Variants in CCDC125 observed in about 807,000 individuals in gnomAD.
CCDC125 encodes the protein coiled-coil domain-containing protein 125.
In CCDC125, 43 loss-of-function variants were observed where a neutral mutation model predicts 57.4. The observed-to-expected ratio is 0.75, with a 90% CI of 0.59 to 0.97. CCDC125 has a LOEUF of 0.97. Ranked by LOEUF, CCDC125 falls within the 50% of genes least tolerant of loss-of-function variation. CCDC125 has a pLI of 0.00. For missense variants in CCDC125, 563 were observed against 595.7 expected, an observed-to-expected ratio of 0.95 and a Z score of 0.57; for synonymous variants, 187 against 195.2, an observed-to-expected ratio of 0.96 and a Z score of 0.35.
downstream of CCDC125, chr5:69,277,491 C>T (rs756581456): frequency 5.4e-5 from 9 of 165,628 alleles, no homozygotes; most frequent in African/African-American, 9.5e-5. Context: ...AAATGTTGGC[C>T]GGGCGCGGTG....
At position 69,282,328 on chromosome 5, in the gene CCDC125, A is replaced by G. The variant is rs995433288; in HGVS notation, c.*401T>C. ...TGTAATCCCAGCACTTTCGGAGGCC[A>G]AGGCAGGCGGATCACTTGAGGTCAG... On this transcript the variant is annotated 3_prime_UTR_variant, in exon 12 of 12. Transcript: ENST00000396496. 2.5e-5 allele frequency: 4 copies of G among 157,450 alleles called. No individual in the cohort carries two copies. Among genetic ancestry groups the G allele is most frequent in the Non-Finnish European group, 5.6e-5 (4 of 71,798 alleles). 9.8% of individuals were successfully genotyped at this position (157,450 alleles called of 1,614,324 possible).
At chr5:69,319,424 A>T (rs1412423922) in intron 2 of CCDC125, among the ~76,000 whole-genome samples, 1 of 152,146 alleles carries the variant, frequency 6.6e-6, no homozygotes, top group East Asian at 1.9e-4. Context: ...GATATCATTA[A>T]TATATTAGAT....
rs188504192 is a variant in CCDC125, at chr5:69,304,882, T to G, written c.618-953A>C. Among the ~76,000 whole-genome samples, 99 of 152,298 alleles carry G rather than the reference T, an allele frequency of 6.5e-4. No homozygotes were observed. The Middle Eastern group carries it at 0.01, about 16-fold the overall frequency. Reference sequence around the variant, plus strand: ...AGAAACTTACATACACAGGTCCTCATGTAAACTATGGACTTCGGGTAATAA... The same window carrying G: ...AGAAACTTACATACACAGGTCCTCAGGTAAACTATGGACTTCGGGTAATAA... On this transcript the variant is annotated intron_variant, in intron 6 of 11. Transcript: ENST00000396496.
intron 1 of CCDC125, among the ~76,000 whole-genome samples, chr5:69,329,694 G>T (rs1218193661): frequency 1.3e-5 from 2 of 151,378 alleles, no homozygotes; most frequent in Non-Finnish European, 2.9e-5. Context: ...GTAGAGATGG[G>T]ATTTCACCAT....
chr5:69,300,983 C>T (rs1387508400), intron 7 of CCDC125, among the ~76,000 whole-genome samples: 1 of 146,628 alleles, frequency 6.8e-6, no homozygotes, highest in African/African-American at 2.5e-5. Context: ...CTTCAAACTC[C>T]TGGGCTCCAG....
chr5:69,296,739 G>A (rs1260065124), intron 8 of CCDC125, among the ~76,000 whole-genome samples: 6 of 152,114 alleles, frequency 3.9e-5, no homozygotes, highest in Non-Finnish European at 8.8e-5. Flanking sequence ...CGAGGCAGGT[G>A]GATCACCTGA....
At position 69,315,465 on chromosome 5, in the gene CCDC125, A is replaced by C. The variant is rs1271463730; in HGVS notation, c.305-1419T>G. ...AAAAAAAAAACAAAAAAAAAAACAA[A>C]AAAAAAAAAGGCCAGGTGTGGTGGC... On this transcript the variant is annotated intron_variant, in intron 2 of 11. Coordinates refer to ENST00000396496, the MANE Select transcript of CCDC125 (RefSeq NM_176816.5). Among the ~76,000 whole-genome samples, 30 of 51,026 alleles carry C rather than the reference A, an allele frequency of 5.9e-4. 3 individuals carry two copies. Among genetic ancestry groups the C allele is most frequent in the African/African-American group, 1.0e-3 (24 of 22,960 alleles). The allele number at this position is 51,026 out of a possible 152,430, so 33.5% of individuals were successfully genotyped here.
At chr5:69,278,510 G>C (rs1482941882), downstream of CCDC125, among the ~76,000 whole-genome samples, 1 of 151,982 alleles carries the variant, frequency 6.6e-6, no homozygotes, top group Non-Finnish European at 1.5e-5. Flanking sequence ...ACCGCGCCCA[G>C]CCAATACTTC....
rs1752629065 is a variant in CCDC125, at chr5:69,282,839, A to G, written c.1426T>C (p.Cys476Arg). Reference protein sequence around the residue: ...VLGDPIHSSVCILNSVGCICS... With the variant: ...VLGDPIHSSVRILNSVGCICS... ...ATGCAGCCCACAGAATTTAAAATGCAGACACTTGAATGTATAGGATCACCC... is the reference window on the plus strand; with the variant it reads ...ATGCAGCCCACAGAATTTAAAATGCGGACACTTGAATGTATAGGATCACCC... Residue 476 changes from cysteine to arginine, a missense_variant, in exon 12 of 12, where the codon TGC (cysteine) becomes CGC (arginine). Cys to Arg is a radical substitution (Grantham distance 180). Transcript: ENST00000396496. 6.2e-7 allele frequency: 1 copy of G among 1,614,098 alleles called. No homozygotes were observed. The highest frequency in any genetic ancestry group is 8.5e-7 in the Non-Finnish European group (1 of 1,179,970).
At chr5:69,317,973 ATTTTTT>A (rs34680998) in intron 2 of CCDC125, among the ~76,000 whole-genome samples, 4 of 82,354 alleles carry the variant, frequency 4.9e-5, no homozygotes, top group Non-Finnish European at 9.1e-5. Flanking sequence ...TGTCTCTAGA[ATTTTTT>A]TTTTTTTTTT....
rs1752540162 is a variant in CCDC125 at position 69,282,164 on chromosome 5, T to G, written c.*565A>C. 1 of 152,026 alleles carries G rather than the reference T, an allele frequency of 6.6e-6. No individual in the cohort carries two copies. The highest frequency in any genetic ancestry group is 2.1e-4 in the South Asian group (1 of 4,802). The allele number at this position is 152,026 out of a possible 1,614,324, so 9.4% of individuals were successfully genotyped here. A position where few individuals can be genotyped will look rare whatever the true frequency, so the allele number is the denominator to read the frequency against. On this transcript the variant is annotated 3_prime_UTR_variant, in exon 12 of 12. Coordinates refer to ENST00000396496, the MANE Select transcript of CCDC125 (RefSeq NM_176816.5). ...CCTTGGCCTCCCAAAGTGCTGGGAT[T>G]TATAAGCATGAGCCACCATGCCCAG...
At chr5:69,306,681 A>G (rs1757380264) in intron 6 of CCDC125, 136 bp downstream of exon 6, 1 of 1,012,982 alleles carries the variant, frequency 9.9e-7, no homozygotes, top group Admixed American at 4.3e-5. Context: ...TAACAAAAAT[A>G]TGCGACTAGT....
At chr5:69,294,209 T>G (rs1473145779) in intron 9 of CCDC125, 10 of 800,270 alleles carry the variant, frequency 1.2e-5, no homozygotes, top group Non-Finnish European at 1.5e-5. Flanking sequence ...ATATAGTAAT[T>G]TTAGGGACAT....
rs145239826 is a variant in CCDC125 at position 69,292,333 on chromosome 5, T to G, written c.954A>C (p.Glu318Asp). 938 of 1,613,460 alleles carry G rather than the reference T, an allele frequency of 5.8e-4. 6 individuals carry two copies. The African/African-American group carries it at 0.011, about 18-fold the overall frequency. Residue 318 changes from glutamate to aspartate, a missense_variant, in exon 10 of 12, where the codon GAA (glutamate) becomes GAC (aspartate). Coordinates refer to ENST00000396496, the MANE Select transcript of CCDC125 (RefSeq NM_176816.5). ...ELEILQKSKE[E>D]AYVMADAFRI... ...TGAAAGCATCTGCCATCACGTAAGC[T>G]TCTTCTTTACTCTTCTGCAAAATTT...
At chr5:69,307,155 G>A (rs1052345804) in intron 5 of CCDC125, among the ~76,000 whole-genome samples, 1 of 151,878 alleles carries the variant, frequency 6.6e-6, no homozygotes, top group Non-Finnish European at 1.5e-5. Context: ...AAATTTGCTG[G>A]GCTGCTACAC....
chr5:69,277,660 C>A (rs983684273), downstream of CCDC125, among the ~76,000 whole-genome samples: 1 of 151,926 alleles, frequency 6.6e-6, no homozygotes, highest in Non-Finnish European at 1.5e-5. Flanking sequence ...GTCCCAGCTA[C>A]TCAGGAGGCT....
chr5:69,284,094 G>A (rs551561044), intron 11 of CCDC125, among the ~76,000 whole-genome samples: 6 of 151,230 alleles, frequency 4.0e-5, no homozygotes, highest in East Asian at 1.9e-4. Context: ...CAGCCCCGAC[G>A]ATTATTTTTT....
chr5:69,325,897 C>T (rs529823942), intron 1 of CCDC125, among the ~76,000 whole-genome samples: 115 of 149,680 alleles, frequency 7.7e-4, no homozygotes, highest in Non-Finnish European at 2.8e-4. Flanking sequence ...GGCTGAAGTG[C>T]AGTGATGGCA....
intron 3 of CCDC125, among the ~76,000 whole-genome samples, chr5:69,313,193 G>C (rs1196408604): frequency 6.6e-6 from 1 of 152,186 alleles, no homozygotes; most frequent in South Asian, 2.1e-4. Flanking sequence ...CATCAGGGAT[G>C]GAGGGAGGAG....
Sources: allele counts gnomAD v4.1 joint callset (sites outside exome capture counted in the v4.1 genomes callset), GRCh38; gene constraint gnomAD v4.1.1; transcripts MANE v1.5; gene names NCBI Gene and HGNC (gene_info 2026-07-23, HGNC 2026-07-21).